Variants in BIRC2 observed in about 807,000 individuals in gnomAD.
BIRC2 encodes baculoviral IAP repeat-containing protein 2.
Under a neutral mutation model 60.9 loss-of-function variants are expected in BIRC2, and 18 were observed. That is an observed-to-expected ratio of 0.30 (90% confidence interval 0.20 to 0.44). The LOEUF (loss-of-function observed/expected upper bound fraction) is 0.44. BIRC2 is among the 20% of genes least tolerant of loss of function. BIRC2 has a pLI of 1.00. For synonymous variants in BIRC2, 282 were observed against 247.7 expected, an observed-to-expected ratio of 1.14 and a Z score of -1.30; for missense variants, 701 against 728.5, an observed-to-expected ratio of 0.96 and a Z score of 0.43.
In BIRC2 at chr11:102,368,371, A is replaced by C; in HGVS notation, c.1189A>C (p.Lys397Gln). Reference protein sequence around the residue: ...DAVMMNTPVVKSALEMGFNRD... With the variant: ...DAVMMNTPVVQSALEMGFNRD... Reference sequence around the variant, plus strand: ...TGTCATGATGAATACACCTGTGGTTAAATCTGCCTTGGAAATGGGCTTTAA... The same window carrying C: ...TGTCATGATGAATACACCTGTGGTTCAATCTGCCTTGGAAATGGGCTTTAA... The change falls in exon 6 of 9, where the codon AAA (lysine) becomes CAA (glutamine). Residue 397 changes from lysine to glutamine, a missense_variant. This residue lies in a region of BIRC2 where 235 missense variants were observed against 208.9 expected (regional missense o/e 1.12). Transcript: ENST00000227758. 6.2e-7 allele frequency: 1 copy of C among 1,614,082 alleles called. No homozygotes were observed. Among genetic ancestry groups the C allele is most frequent in the Non-Finnish European group, 8.5e-7 (1 of 1,179,968 alleles).
chr11:102,353,679 CTT>C (rs60766578), intron 3 of BIRC2, among the ~76,000 whole-genome samples: 3 of 86,066 alleles, frequency 3.5e-5, no homozygotes, highest in African/African-American at 1.5e-4. Context: ...TAGTAACTTT[CTT>C]TTTTTTTTTT....
intron 5 of BIRC2, among the ~76,000 whole-genome samples, chr11:102,364,106 A>T (rs1372247155): frequency 7.0e-6 from 1 of 143,388 alleles, no homozygotes; most frequent in Non-Finnish European, 1.5e-5. Flanking sequence ...CTGAAGCCAT[A>T]GGGAAAAATA....
At chr11:102,373,025 T>A (rs2135822749) in intron 6 of BIRC2, among the ~76,000 whole-genome samples, 1 of 151,628 alleles carries the variant, frequency 6.6e-6, no homozygotes, top group East Asian at 1.9e-4. Context: ...GCTTGGTAGA[T>A]CTTCCTCCAT....
At chr11:102,358,197 T>C (rs1951444988) in intron 3 of BIRC2, among the ~76,000 whole-genome samples, 1 of 152,210 alleles carries the variant, frequency 6.6e-6, no homozygotes, top group Non-Finnish European at 1.5e-5. Context: ...TTAAGAAGAA[T>C]GTGTATTATC....
intron 3 of BIRC2, among the ~76,000 whole-genome samples, chr11:102,356,195 CTTT>C (rs540599539): frequency 7.9e-6 from 1 of 127,000 alleles, no homozygotes; most frequent in Non-Finnish European, 1.7e-5. Flanking sequence ...AAGCTGAAAG[CTTT>C]TTTTTTTTTT....
Position 102,348,933 on chromosome 11 carries a change from T to A in BIRC2, c.-922T>A, listed in dbSNP as rs1841375172. 6.2e-6 allele frequency: 1 copy of A among 162,520 alleles called. No homozygotes were observed. The highest frequency in any genetic ancestry group is 6.5e-5 in the Admixed American group (1 of 15,374). The allele number at this position is 162,520 out of a possible 1,614,324, so 10.1% of individuals were successfully genotyped here. A position where few individuals can be genotyped will look rare whatever the true frequency, so the allele number is the denominator to read the frequency against. Reference sequence around the variant, plus strand: ...TTATAGCTGAATAGTCCTTAAATGATGAACAGGTTATTTAGTTTTTAAATG... The same window carrying A: ...TTATAGCTGAATAGTCCTTAAATGAAGAACAGGTTATTTAGTTTTTAAATG... On this transcript the variant is annotated 5_prime_UTR_variant, in exon 2 of 9. An upstream start codon of the reference 5' UTR is lost. Transcript: ENST00000227758.
intron 3 of BIRC2, among the ~76,000 whole-genome samples, chr11:102,355,402 C>T (rs1309779139): frequency 6.6e-6 from 1 of 152,032 alleles, no homozygotes; most frequent in Non-Finnish European, 1.5e-5. Flanking sequence ...TTCTTTGTGC[C>T]CTTGTCAAAG....
intron 6 of BIRC2, among the ~76,000 whole-genome samples, chr11:102,374,395 C>T (rs1306145787): frequency 6.8e-6 from 1 of 147,846 alleles, no homozygotes; most frequent in African/African-American, 2.5e-5. Flanking sequence ...CAGACAGGAC[C>T]CTCAGCTGCA....
rs144492344 is a variant in BIRC2, at chr11:102,354,145, T to C, written c.995+3202T>C. 4.6e-3 allele frequency among the ~76,000 whole-genome samples: 696 copies of C among 152,354 alleles called. 7 individuals carry two copies. Among genetic ancestry groups the C allele is most frequent in the Non-Finnish European group, 8.3e-3 (564 of 68,020 alleles). On this transcript the variant is annotated intron_variant, in intron 3 of 8. Transcript: ENST00000227758. ...CAAGGGCCAGTTGTATTTGTCTTTC[T>C]CTGGCATATTTCACTTGGCATAATG...
At chr11:102,366,759 AC>A (rs1292954335) in intron 5 of BIRC2, among the ~76,000 whole-genome samples, 7 of 152,088 alleles carry the variant, frequency 4.6e-5, no homozygotes, top group Non-Finnish European at 8.8e-5. Flanking sequence ...CATTAAAGTA[AC>A]ATCTCCACCG....
chr11:102,352,224 C>G (rs1352633215), intron 3 of BIRC2, among the ~76,000 whole-genome samples: 1 of 151,834 alleles, frequency 6.6e-6, no homozygotes, highest in Admixed American at 6.6e-5. Flanking sequence ...CGCCATTCTC[C>G]TGCCTCAGCC....
rs1951332053 is a variant in BIRC2 at position 102,349,732 on chromosome 11, A to G, written c.-123A>G. On this transcript the variant is annotated 5_prime_UTR_variant, in exon 2 of 9. Coordinates refer to ENST00000227758, the MANE Select transcript of BIRC2 (RefSeq NM_001166.5). ...ATATAAACTGAGATAAATCCAGTAAAGAAAGTGTAGTAAATTCTACATAAG... is the reference window on the plus strand; with the variant it reads ...ATATAAACTGAGATAAATCCAGTAAGGAAAGTGTAGTAAATTCTACATAAG... 8 of 1,021,214 alleles carry G rather than the reference A, an allele frequency of 7.8e-6. No homozygotes were observed. The highest frequency in any genetic ancestry group is 5.2e-5 in the Admixed American group (2 of 38,766). 63.3% of individuals were successfully genotyped at this position (1,021,214 alleles called of 1,614,324 possible). A position where few individuals can be genotyped will look rare whatever the true frequency, so the allele number is the denominator to read the frequency against.
intron 5 of BIRC2, among the ~76,000 whole-genome samples, chr11:102,367,429 A>G (rs1453082058): frequency 2.0e-5 from 3 of 151,802 alleles, no homozygotes; most frequent in African/African-American, 7.3e-5. Context: ...ATTCCTTGTT[A>G]TTTAAATCTT....
At chr11:102,377,470 G>T in intron 6 of BIRC2, 26 bp from the exon 7 acceptor site, 2 of 1,567,948 alleles carry the variant, frequency 1.3e-6, no homozygotes, top group South Asian at 1.2e-5. Flanking sequence ...AAATCTAATG[G>T]ATTTCTTTTT....
At chr11:102,363,784 C>A in intron 5 of BIRC2, 68 bp downstream of exon 5, 3 of 1,308,642 alleles carry the variant, frequency 2.3e-6, no homozygotes, top group Non-Finnish European at 3.3e-6. Flanking sequence ...AGGCTGGGTG[C>A]AGTGGCTCAT....
chr11:102,349,418 T>C lies in BIRC2; in HGVS notation c.-437T>C, dbSNP rs911191141. ...TATAATTTTTTACCTTGTGGCATAATCAGTAATTGGTCTGTTATTCAGGCT... is the reference window on the plus strand; with the variant it reads ...TATAATTTTTTACCTTGTGGCATAACCAGTAATTGGTCTGTTATTCAGGCT... On this transcript the variant is annotated 5_prime_UTR_variant, in exon 2 of 9. Coordinates refer to ENST00000227758, the MANE Select transcript of BIRC2 (RefSeq NM_001166.5). 1 of 153,266 alleles carries C rather than the reference T, an allele frequency of 6.5e-6. No homozygotes were observed. Among genetic ancestry groups the C allele is most frequent in the African/African-American group, 2.4e-5 (1 of 41,492 alleles). 9.5% of individuals were successfully genotyped at this position (153,266 alleles called of 1,614,324 possible).
At chr11:102,358,592 ACTAT>A (rs1446708264) in intron 3 of BIRC2, among the ~76,000 whole-genome samples, 3 of 152,070 alleles carry the variant, frequency 2.0e-5, no homozygotes, top group African/African-American at 2.4e-5. Context: ...TTATTGTGTT[ACTAT>A]CTATTAATGT....
In BIRC2 at chr11:102,349,783, G is replaced by GT. The variant is rs1467214187; in HGVS notation, c.-71dup. ...AGTCTATCATTGATTTCTTTTTGTG[G>GT]TAAAAATCTTAGTTCATGTGAAGAA... On this transcript the variant is annotated 5_prime_UTR_variant, in exon 2 of 9. Coordinates refer to ENST00000227758, the MANE Select transcript of BIRC2 (RefSeq NM_001166.5). The GT allele has an allele frequency of 7.0e-7, 1 of 1,432,682 alleles. No homozygotes were observed. The highest frequency in any genetic ancestry group is 1.4e-5 in the African/African-American group (1 of 69,742). The allele number at this position is 1,432,682 out of a possible 1,614,324, so 88.7% of individuals were successfully genotyped here.
At chr11:102,364,942 C>T (rs985729351) in intron 5 of BIRC2, among the ~76,000 whole-genome samples, 3 of 152,186 alleles carry the variant, frequency 2.0e-5, no homozygotes, top group African/African-American at 4.8e-5. Context: ...ACCATAGGTC[C>T]TAATAAAATC....
Sources: allele counts gnomAD v4.1 joint callset (sites outside exome capture counted in the v4.1 genomes callset), GRCh38; gene constraint gnomAD v4.1.1; regional missense constraint gnomAD v4.1.1; transcripts MANE v1.5; gene names NCBI Gene and HGNC (gene_info 2026-07-23, HGNC 2026-07-21).